The following CACNB2 variants were observed in gnomAD, a reference collection of about 807,000 sequenced individuals.
CACNB2 encodes calcium voltage-gated channel auxiliary subunit beta 2.
A neutral mutation model predicts 73.3 loss-of-function variants in CACNB2; 42 were observed. That is an observed-to-expected ratio of 0.57 (90% CI 0.45 to 0.74). The LOEUF is 0.74. CACNB2 is among the 30% of genes least tolerant of loss of function. The pLI is 0.00. For missense variants in CACNB2, 940 were observed against 853.0 expected (o/e 1.10, Z -1.27); for synonymous variants, 348 against 310.3 (o/e 1.12, Z -1.28).
chr10:18,181,822 A>G (rs1284027947), intron 2 of CACNB2: 2 of 151,254 alleles, frequency 1.3e-5, no homozygotes, highest in East Asian at 1.9e-4. Flanking sequence ...GAGTCTTGAC[A>G]TGTTATCCAG....
intron 2 of CACNB2, among the ~76,000 whole-genome samples, chr10:18,352,161 A>G (rs1007826632): frequency 6.6e-6 from 1 of 152,254 alleles, no homozygotes; most frequent in Non-Finnish European, 1.5e-5. Flanking sequence ...TGCGTACTTC[A>G]TTCTTATCCT....
At chr10:18,533,373 T>C (rs1454139166) in intron 10 of CACNB2, 1 of 152,222 alleles carries the variant, frequency 6.6e-6, no homozygotes, top group Non-Finnish European at 1.5e-5. Flanking sequence ...CAGTCCGGTT[T>C]TTGAGTCTTT....
intron 2 of CACNB2, among the ~76,000 whole-genome samples, chr10:18,230,001 G>A (rs2036163868): frequency 6.6e-6 from 1 of 152,162 alleles, no homozygotes; most frequent in Non-Finnish European, 1.5e-5. Context: ...TCAGCCTCAT[G>A]AATCCTGGTG....
At chr10:18,297,121 C>T (rs1309236165) in intron 2 of CACNB2, among the ~76,000 whole-genome samples, 1 of 152,214 alleles carries the variant, frequency 6.6e-6, no homozygotes, top group Non-Finnish European at 1.5e-5. Flanking sequence ...CGTCTTGTAT[C>T]TACTAGACAC....
At chr10:18,258,737 A>G (rs1415195110) in intron 2 of CACNB2, among the ~76,000 whole-genome samples, 1 of 152,128 alleles carries the variant, frequency 6.6e-6, no homozygotes, top group African/African-American at 2.4e-5. Context: ...AAAAACAAAC[A>G]AACAAGCAAA....
At chr10:18,495,545 CTGTGTGTGTGTGTGTGTGTGTGTGTGTG>C (rs59858946) in intron 3 of CACNB2, among the ~76,000 whole-genome samples, 22 of 124,708 alleles carry the variant, frequency 1.8e-4, no homozygotes, top group African/African-American at 6.5e-4. Context: ...AGTATAAAAA[CTGTGTGTGTGTGTGTGTGTGTGTGTGTG>C]TGTGTGTGTG....
chr10:18,149,291 G>A (rs1183911958), intron 1 of CACNB2, among the ~76,000 whole-genome samples: 1 of 152,098 alleles, frequency 6.6e-6, no homozygotes, highest in Non-Finnish European at 1.5e-5. Context: ...AAAAAAAGTG[G>A]TTAAAAGAAT....
intron 3 of CACNB2, among the ~76,000 whole-genome samples, chr10:18,464,347 G>C (rs1028595809): frequency 1.4e-5 from 2 of 142,896 alleles, no homozygotes; most frequent in Non-Finnish European, 3.0e-5. Context: ...AGGAGGTCGA[G>C]GCTGCAGTGA....
chr10:18,290,427 G>A (rs190383440), intron 2 of CACNB2, among the ~76,000 whole-genome samples: 5 of 152,204 alleles, frequency 3.3e-5, no homozygotes, highest in African/African-American at 9.6e-5. Flanking sequence ...CTCAAGAAAA[G>A]TGACATCCAG....
chr10:18,336,471 T>A (rs1184828683), intron 2 of CACNB2, among the ~76,000 whole-genome samples: 1 of 152,044 alleles, frequency 6.6e-6, no homozygotes, highest in Non-Finnish European at 1.5e-5. Flanking sequence ...GTACAAAAAT[T>A]AGCCAGGTGT....
At chr10:18,445,636 G>T (rs2046695950) in intron 3 of CACNB2, among the ~76,000 whole-genome samples, 1 of 152,218 alleles carries the variant, frequency 6.6e-6, no homozygotes, top group African/African-American at 2.4e-5. Context: ...GCTTCATTCT[G>T]AAGACGGAAG....
chr10:18,323,707 C>T (rs1398908629), intron 2 of CACNB2, among the ~76,000 whole-genome samples: 1 of 152,158 alleles, frequency 6.6e-6, no homozygotes. Context: ...AATTCACTTA[C>T]TTGGAATGTC....
intron 2 of CACNB2, among the ~76,000 whole-genome samples, chr10:18,221,030 T>C (rs2035771719): frequency 6.6e-6 from 1 of 152,134 alleles, no homozygotes; most frequent in Non-Finnish European, 1.5e-5. Flanking sequence ...TCAACCTGGA[T>C]GGGGGCTGGG....
At chr10:18,293,945 C>T (rs903823920) in intron 2 of CACNB2, among the ~76,000 whole-genome samples, 12 of 152,186 alleles carry the variant, frequency 7.9e-5, no homozygotes, top group African/African-American at 1.7e-4. Context: ...TATTGAATGA[C>T]GTTTCCCTGC....
intron 2 of CACNB2, among the ~76,000 whole-genome samples, chr10:18,382,527 C>T (rs2043062074): frequency 6.6e-6 from 1 of 152,054 alleles, no homozygotes; most frequent in Admixed American, 6.5e-5. Context: ...TTTTCCTAAT[C>T]CTCTCCTTCT....
chr10:18,327,056 C>T (rs1485555991), intron 2 of CACNB2, among the ~76,000 whole-genome samples: 1 of 151,948 alleles, frequency 6.6e-6, no homozygotes, highest in African/African-American at 2.4e-5. Context: ...TTAAGCATTC[C>T]CATAGGCCAC....
chr10:18,210,386 G>A (rs531127679), intron 2 of CACNB2, among the ~76,000 whole-genome samples: 7 of 152,246 alleles, frequency 4.6e-5, no homozygotes, highest in Admixed American at 4.6e-4. Flanking sequence ...ATTAGAAACT[G>A]CATACCACTC....
chr10:18,508,614 C>T (rs1210201777), intron 6 of CACNB2, among the ~76,000 whole-genome samples: 1 of 152,176 alleles, frequency 6.6e-6, no homozygotes, highest in East Asian at 1.9e-4. Context: ...TCCCTCCAGC[C>T]ATATTGTAGC....
chr10:18,237,774 A>G (rs2036503227), intron 2 of CACNB2, among the ~76,000 whole-genome samples: 1 of 152,234 alleles, frequency 6.6e-6, no homozygotes, highest in Non-Finnish European at 1.5e-5. Flanking sequence ...TCAGTGTGAT[A>G]TACCCAACAG....
Sources: allele counts gnomAD v4.1 joint callset (sites outside exome capture counted in the v4.1 genomes callset), GRCh38; gene constraint gnomAD v4.1.1; transcripts MANE v1.5; gene names NCBI Gene and HGNC (gene_info 2026-07-23, HGNC 2026-07-21).